CNBD1: variants seen among roughly 807,000 people sequenced by gnomAD.
The protein encoded by CNBD1 is cyclic nucleotide-binding domain-containing protein 1.
In CNBD1, 71 loss-of-function variants were observed where a neutral mutation model predicts 54.4. That is an observed-to-expected ratio of 1.30 (90% CI 1.08 to 1.59). The LOEUF is 1.59. CNBD1 is among the 40% of genes most tolerant of loss of function. The pLI is 0.00. For missense variants in CNBD1, 659 were observed against 518.0 expected (o/e 1.27, Z -2.64); for synonymous variants, 182 against 170.7 (o/e 1.07, Z -0.51).
At chr8:87,305,238 C>G (rs1257430381) in intron 8 of CNBD1, among the ~76,000 whole-genome samples, 1 of 152,100 alleles carries the variant, frequency 6.6e-6, no homozygotes, top group Non-Finnish European at 1.5e-5. Flanking sequence ...CTACCAAACA[C>G]TGCTGAAAGA....
intron 6 of CNBD1, among the ~76,000 whole-genome samples, chr8:87,272,637 A>T (rs564618392): frequency 1.3e-5 from 2 of 152,116 alleles, no homozygotes; most frequent in East Asian, 3.9e-4. Flanking sequence ...CAAAATTCAG[A>T]TCATATCAGA....
At chr8:87,329,955 C>A (rs988103268) in intron 8 of CNBD1, among the ~76,000 whole-genome samples, 1 of 151,886 alleles carries the variant, frequency 6.6e-6, no homozygotes, top group Non-Finnish European at 1.5e-5. Flanking sequence ...GAGGAGATAT[C>A]TTTACCTTGT....
rs1028956907 is a variant in CNBD1 at position 87,284,677 on chromosome 8, G to T, written c.772-1G>T. The stretch of plus-strand genomic sequence containing the variant: ...TTAAATTGTCTCTGGTATTTTTACA[G>T]CTTAGCAAATGGAGTACCTTTGGGA... On this transcript the variant is annotated splice_acceptor_variant, in intron 6 of 10. Coordinates refer to ENST00000518476, the MANE Select transcript of CNBD1 (RefSeq NM_173538.3). LOFTEE classifies it high-confidence loss of function. 6.3e-7 allele frequency: 1 copy of T among 1,596,974 alleles called. No homozygotes were observed. The highest frequency in any genetic ancestry group is 8.5e-7 in the Non-Finnish European group (1 of 1,173,438).
At chr8:87,405,075 A>G (rs1807630431) in intron 2 of CNBD1, among the ~76,000 whole-genome samples, 1 of 152,208 alleles carries the variant, frequency 6.6e-6, no homozygotes, top group East Asian at 1.9e-4. Context: ...AATCATTTTC[A>G]TTCATTTGGA....
chr8:87,170,770 T>A (rs1813068442), intron 4 of CNBD1, among the ~76,000 whole-genome samples: 1 of 152,212 alleles, frequency 6.6e-6, no homozygotes, highest in African/African-American at 2.4e-5. Context: ...ATTGAAATGA[T>A]CACATGTTTT....
chr8:87,265,540 A>G (rs1808236175), intron 6 of CNBD1, among the ~76,000 whole-genome samples: 1 of 151,424 alleles, frequency 6.6e-6, no homozygotes, highest in African/African-American at 2.4e-5. Flanking sequence ...TGGGATAATA[A>G]TTTTATAGTT....
chr8:86,904,241 CA>C (rs1328537547), intron 2 of CNBD1, among the ~76,000 whole-genome samples: 9 of 151,936 alleles, frequency 5.9e-5, no homozygotes. Context: ...AGATGTTTGT[CA>C]GTGTTCAATT....
At chr8:86,964,662 G>A (rs1252957152) in intron 4 of CNBD1, among the ~76,000 whole-genome samples, 1 of 152,180 alleles carries the variant, frequency 6.6e-6, no homozygotes. Flanking sequence ...TGTAGGAGCA[G>A]GAGTGAGACT....
intron 4 of CNBD1, among the ~76,000 whole-genome samples, chr8:86,945,247 C>A (rs984557037): frequency 1.3e-5 from 2 of 152,132 alleles, no homozygotes; most frequent in Admixed American, 1.3e-4. Flanking sequence ...GATTAAGATC[C>A]TCTGAGAAAA....
chr8:86,885,681 T>A (rs776736553), intron 1 of CNBD1, among the ~76,000 whole-genome samples: 1 of 152,188 alleles, frequency 6.6e-6, no homozygotes, highest in Non-Finnish European at 1.5e-5. Flanking sequence ...AAAGGCAAGA[T>A]CCATTATGTT....
rs892511981 is a variant in CNBD1, at chr8:87,036,371, G to C, written c.431+96617G>C. On this transcript the variant is annotated intron_variant, in intron 4 of 10. Transcript: ENST00000518476. Reference sequence around the variant, plus strand: ...GCACTTTGGGAGGCCGAGGCGGGCGGATCACGAGGTCAGGAGATCGAGACC... The same window carrying C: ...GCACTTTGGGAGGCCGAGGCGGGCGCATCACGAGGTCAGGAGATCGAGACC... Among the ~76,000 whole-genome samples the C allele has an allele frequency of 6.6e-5, 10 of 152,138 alleles. No individual in the cohort carries two copies. In the South Asian group the frequency reaches 2.1e-3, roughly 32 times the overall value.
intron 10 of CNBD1, among the ~76,000 whole-genome samples, chr8:87,375,376 G>A (rs931826726): frequency 1.3e-5 from 2 of 151,736 alleles, no homozygotes; most frequent in African/African-American, 4.8e-5. Flanking sequence ...CAAAAAGTTA[G>A]ACAAACCAAT....
At chr8:87,141,796 C>T (rs1056726692) in intron 4 of CNBD1, among the ~76,000 whole-genome samples, 2 of 152,004 alleles carry the variant, frequency 1.3e-5, no homozygotes, top group African/African-American at 4.8e-5. Context: ...TAGCCTTTTG[C>T]CCAATTATAT....
chr8:87,137,834 G>A (rs1042081003), intron 4 of CNBD1, among the ~76,000 whole-genome samples: 1 of 152,110 alleles, frequency 6.6e-6, no homozygotes, highest in Non-Finnish European at 1.5e-5. Flanking sequence ...GAGAAGCTAT[G>A]AAATAATAAG....
downstream of CNBD1, chr8:87,382,981 C>T (rs1030807094): frequency 3.0e-5 from 5 of 167,828 alleles, no homozygotes; most frequent in Non-Finnish European, 5.1e-5. Flanking sequence ...AAACATACTC[C>T]TCAAGTTGTC....
chr8:87,023,259 A>G (rs557015147), intron 4 of CNBD1, among the ~76,000 whole-genome samples: 1 of 149,526 alleles, frequency 6.7e-6, no homozygotes, highest in South Asian at 2.1e-4. Flanking sequence ...CTCCTAAAGC[A>G]GACTTGATGA....
At chr8:87,272,767 A>G (rs896906805) in intron 6 of CNBD1, among the ~76,000 whole-genome samples, 2 of 152,012 alleles carry the variant, frequency 1.3e-5, no homozygotes, top group Non-Finnish European at 2.9e-5. Context: ...GTATGAATAC[A>G]TATAAAGTAT....
At chr8:86,970,961 T>G (rs1167862116) in intron 4 of CNBD1, among the ~76,000 whole-genome samples, 1 of 152,248 alleles carries the variant, frequency 6.6e-6, no homozygotes, top group Non-Finnish European at 1.5e-5. Flanking sequence ...ATGGATTCTT[T>G]TTTACAGATT....
At chr8:87,183,663 T>C (rs189060418) in intron 4 of CNBD1, among the ~76,000 whole-genome samples, 1 of 152,332 alleles carries the variant, frequency 6.6e-6, no homozygotes, top group East Asian at 1.9e-4. Context: ...TATGGGCTGA[T>C]AGTCCTTTAA....
Sources: allele counts gnomAD v4.1 joint callset (sites outside exome capture counted in the v4.1 genomes callset), GRCh38; gene constraint gnomAD v4.1.1; transcripts MANE v1.5; gene names NCBI Gene and HGNC (gene_info 2026-07-23, HGNC 2026-07-21).